Variants in CAPN9 observed in about 807,000 individuals in gnomAD.
CAPN9 encodes the protein calpain-9.
In CAPN9, 81 loss-of-function variants were observed where a neutral mutation model predicts 92.8. That is an observed-to-expected ratio of 0.87 (90% CI 0.73 to 1.05). The LOEUF (loss-of-function observed/expected upper bound fraction) is 1.05. Ranked by LOEUF, CAPN9 falls within the 50% of genes least tolerant of loss-of-function variation. CAPN9 has a pLI of 0.00. For synonymous variants in CAPN9, 304 were observed against 328.0 expected, an observed-to-expected ratio of 0.93 and a Z score of 0.79; for missense variants, 848 against 866.2, an observed-to-expected ratio of 0.98 and a Z score of 0.26.
chr1:230,800,259 A>T (rs551315472), intron 19 of CAPN9, among the ~76,000 whole-genome samples: 4 of 125,790 alleles, frequency 3.2e-5, no homozygotes, highest in African/African-American at 6.1e-5. Flanking sequence ...AGAAAGAAAG[A>T]AAGAAAGAAA....
intron 13 of CAPN9, among the ~76,000 whole-genome samples, chr1:230,789,190 T>G (rs925344209): frequency 6.6e-6 from 1 of 151,794 alleles, no homozygotes; most frequent in Non-Finnish European, 1.5e-5. Context: ...TAAAATGAGG[T>G]CTATGTCAGT....
At chr1:230,773,082 G>T (rs1016733929) in intron 7 of CAPN9, among the ~76,000 whole-genome samples, 2 of 152,154 alleles carry the variant, frequency 1.3e-5, no homozygotes, top group African/African-American at 2.4e-5. Flanking sequence ...AACTGAGCCA[G>T]TGTTTGTCTT....
chr1:230,764,165 G>A (rs550665743), intron 4 of CAPN9, among the ~76,000 whole-genome samples: 2 of 152,358 alleles, frequency 1.3e-5, no homozygotes, highest in South Asian at 2.1e-4. Flanking sequence ...TTATTTCTGG[G>A]TGTGTCTGTG....
chr1:230,798,104 C>T, intron 18 of CAPN9, 58 bp from the exon 19 acceptor site: 1 of 1,345,682 alleles, frequency 7.4e-7, no homozygotes, highest in Admixed American at 1.7e-5. Flanking sequence ...CGCTGGGAAA[C>T]AAACTTGGTA....
At chr1:230,789,168 C>G (rs1667806351) in intron 13 of CAPN9, among the ~76,000 whole-genome samples, 2 of 152,042 alleles carry the variant, frequency 1.3e-5, no homozygotes, top group Non-Finnish European at 1.5e-5. Flanking sequence ...ACGGCTAGCG[C>G]AAAACCCTGA....
Position 230,779,086 on chromosome 1 carries a change from G to A in CAPN9, c.1067G>A (p.Gly356Glu). The part of the protein sequence containing the change: ...IHKWEVTVHQ[G>E]SWVRGSTAGG... ...AAATGGGAGGTGACGGTCCATCAGG[G>A]AAGCTGGGTTCGCGGCTCCACGGCT... The change falls in exon 9 of 20, where the codon GGA becomes GAA. Residue 356 changes from glycine (G) to glutamate (E), a missense_variant. Transcript: ENST00000271971. 6.2e-7 allele frequency: 1 copy of A among 1,613,326 alleles called. No homozygotes were observed. Among genetic ancestry groups the A allele is most frequent in the Non-Finnish European group, 8.5e-7 (1 of 1,179,966 alleles).
At chr1:230,772,675 G>A (rs893653422) in intron 7 of CAPN9, among the ~76,000 whole-genome samples, 1 of 151,526 alleles carries the variant, frequency 6.6e-6, no homozygotes, top group Admixed American at 6.6e-5. Context: ...ATGAGAGATT[G>A]AGGCTGCAGG....
chr1:230,749,672 A>G (rs1237889030), intron 1 of CAPN9, among the ~76,000 whole-genome samples: 2 of 152,196 alleles, frequency 1.3e-5, no homozygotes, highest in African/African-American at 2.4e-5. Context: ...GGCACTTGAT[A>G]TGAAAAGGTT....
chr1:230,790,074 ATAAAC>A, intron 13 of CAPN9, 53 bp from the exon 14 acceptor site: 3 of 1,460,734 alleles, frequency 2.1e-6, no homozygotes, highest in Non-Finnish European at 2.9e-6. Context: ...TAAAACAAAA[ATAAAC>A]TATAAAAGAA....
chr1:230,773,884 G>A (rs561705115), intron 7 of CAPN9, among the ~76,000 whole-genome samples: 5 of 152,254 alleles, frequency 3.3e-5, no homozygotes, highest in East Asian at 1.9e-4. Context: ...ATTTGGAGGC[G>A]GCTGTGGGAG....
intron 14 of CAPN9, chr1:230,790,390 G>A: frequency 1.2e-6 from 1 of 854,624 alleles, no homozygotes; most frequent in Non-Finnish European, 1.4e-6. Context: ...TCTTAAAAAT[G>A]CAGAAAAGCC....
intron 1 of CAPN9, chr1:230,752,755 G>C: frequency 1.0e-6 from 1 of 968,008 alleles, no homozygotes; most frequent in Non-Finnish European, 1.2e-6. Flanking sequence ...TTGCTTGCCA[G>C]GGCTATCCCC....
chr1:230,797,781 G>A (rs1453501432), intron 18 of CAPN9, among the ~76,000 whole-genome samples: 1 of 152,186 alleles, frequency 6.6e-6, no homozygotes, highest in Admixed American at 6.5e-5. Flanking sequence ...CTACAAGGGC[G>A]AGACTAACAA....
At chr1:230,760,474 C>T (rs1013237468) in intron 3 of CAPN9, among the ~76,000 whole-genome samples, 1 of 152,178 alleles carries the variant, frequency 6.6e-6, no homozygotes. Flanking sequence ...AGGGCCAGCC[C>T]GTTTCTTCTG....
chr1:230,793,011 C>T (rs1668115042), intron 17 of CAPN9, 83 bp downstream of exon 17: 1 of 1,033,234 alleles, frequency 9.7e-7, no homozygotes, highest in Non-Finnish European at 1.5e-6. Flanking sequence ...CAGGTCTTCT[C>T]TCTGCTGCCC....
chr1:230,769,050 AC>A, intron 5 of CAPN9, 129 bp from the exon 6 acceptor site: 1 of 721,220 alleles, frequency 1.4e-6, no homozygotes, highest in Non-Finnish European at 2.4e-6. Flanking sequence ...TAGCCCACGC[AC>A]ATGGCCTGCA....
In CAPN9 at chr1:230,747,665, T is replaced by G. The variant is rs529848168; in HGVS notation, c.169T>G (p.Tyr57Asp). Residue 57 changes from tyrosine (Y) to aspartate (D), a missense_variant, in exon 1 of 20, where the codon TAC becomes GAC. Physicochemically the swap from Tyr to Asp is radical, Grantham distance 160. Coordinates refer to ENST00000271971, the MANE Select transcript of CAPN9 (RefSeq NM_006615.3). ...DFPASNSSLF[Y>D]SERPQIPFVW... ...CCCAGCCAGCAATTCCTCCCTGTTC[T>G]ACAGTGAGAGGCCGCAGATCCCCTT... 6 of 1,614,136 alleles carry G rather than the reference T, an allele frequency of 3.7e-6. No individual in the cohort carries two copies. The African/African-American group carries it at 4.0e-5, about 11-fold the overall frequency.
At chr1:230,801,014 A>G (rs1283559199) in intron 19 of CAPN9, among the ~76,000 whole-genome samples, 2 of 152,188 alleles carry the variant, frequency 1.3e-5, no homozygotes, top group African/African-American at 2.4e-5. Flanking sequence ...AAACCATCTC[A>G]TATAATCACG....
chr1:230,754,235 A>C (rs1305195495), intron 1 of CAPN9, among the ~76,000 whole-genome samples: 3 of 152,124 alleles, frequency 2.0e-5, no homozygotes, highest in Non-Finnish European at 4.4e-5. Flanking sequence ...CAATGTCAGG[A>C]ATGGAGCCCA....
Sources: gnomAD v4.1 joint callset for allele counts (sites outside exome capture counted in the v4.1 genomes callset) on GRCh38, gnomAD v4.1.1 for gene constraint, MANE v1.5 for transcripts, NCBI Gene and HGNC (gene_info 2026-07-23, HGNC 2026-07-21) for gene names.